The following AGBL4 variants were observed in gnomAD, a reference collection of about 807,000 sequenced individuals.
AGBL4 encodes the protein cytosolic carboxypeptidase 6.
AGBL4 carries 58 observed loss-of-function variants against 66.4 expected under a neutral mutation model. That is an observed-to-expected ratio of 0.87 (90% confidence interval 0.71 to 1.09). The LOEUF is 1.09. Among genes scored for constraint, AGBL4 ranks in the 50% least tolerant of loss-of-function variants. The pLI is 0.00. For synonymous variants in AGBL4, 234 were observed against 222.9 expected (o/e 1.05, Z -0.44); for missense variants, 579 against 631.0 (o/e 0.92, Z 0.88).
intron 3 of AGBL4, among the ~76,000 whole-genome samples, chr1:49,366,029 C>G (rs1466241329): frequency 6.6e-6 from 1 of 152,166 alleles, no homozygotes; most frequent in African/African-American, 2.4e-5. Flanking sequence ...GATTCAAGGT[C>G]CCCTTTGTTT....
At chr1:49,198,831 C>A (rs576730001) in intron 4 of AGBL4, among the ~76,000 whole-genome samples, 92 of 152,122 alleles carry the variant, frequency 6.0e-4, no homozygotes, top group Non-Finnish European at 1.0e-3. Context: ...AGCCTTCAGC[C>A]TTGCTTTTTG....
intron 3 of AGBL4, among the ~76,000 whole-genome samples, chr1:49,273,814 T>C (rs1644111142): frequency 6.6e-6 from 1 of 152,136 alleles, no homozygotes; most frequent in Admixed American, 6.5e-5. Context: ...TAGCTGGGAC[T>C]ACAGGCACGT....
At chr1:49,542,316 C>G (rs766457695) in intron 3 of AGBL4, among the ~76,000 whole-genome samples, 4 of 152,206 alleles carry the variant, frequency 2.6e-5, no homozygotes, top group Non-Finnish European at 5.9e-5. Context: ...CTGCTGCTCA[C>G]TTTTTGGGTC....
At position 48,586,998 on chromosome 1, in the gene AGBL4, G is replaced by A; in HGVS notation, c.1267+6C>T. ...TGGCCCAAGGCTGGGTGGGGACTAA[G>A]GATACAGGCTTCTTCAGTGTAGGGC... is the stretch of plus-strand genomic sequence containing the variant. On this transcript the variant is annotated splice_donor_region_variant and intron_variant, in intron 11 of 13. Transcript: ENST00000371839. 6.2e-7 allele frequency: 1 copy of A among 1,610,396 alleles called. No homozygotes were observed. The highest frequency in any genetic ancestry group is 8.5e-7 in the Non-Finnish European group (1 of 1,178,558).
At chr1:49,274,566 C>T (rs552299035) in intron 3 of AGBL4, among the ~76,000 whole-genome samples, 1 of 152,212 alleles carries the variant, frequency 6.6e-6, no homozygotes, top group South Asian at 2.1e-4. Flanking sequence ...TTTAAATCCA[C>T]AGACAAATTA....
chr1:50,020,972 A>G (rs867612499), intron 1 of AGBL4, among the ~76,000 whole-genome samples: 3 of 152,334 alleles, frequency 2.0e-5, no homozygotes, highest in Middle Eastern at 3.4e-3. Context: ...TTTAGTGGTA[A>G]AAGACAATAA....
intron 6 of AGBL4, among the ~76,000 whole-genome samples, chr1:48,677,037 C>A (rs1189455101): frequency 1.3e-5 from 2 of 152,164 alleles, no homozygotes; most frequent in Admixed American, 1.3e-4. Flanking sequence ...GCTAGGTGGT[C>A]TCTCAGTCCC....
intron 9 of AGBL4, among the ~76,000 whole-genome samples, chr1:48,628,607 T>C (rs1421195614): frequency 6.6e-6 from 1 of 152,122 alleles, no homozygotes; most frequent in Non-Finnish European, 1.5e-5. Flanking sequence ...GCACCTCACA[T>C]GCCCTCCTCA....
chr1:48,682,580 G>A (rs1407027128), intron 6 of AGBL4, among the ~76,000 whole-genome samples: 1 of 152,008 alleles, frequency 6.6e-6, no homozygotes, highest in Non-Finnish European at 1.5e-5. Flanking sequence ...TCCTTGTAGG[G>A]AGGGGCCTTG....
intron 6 of AGBL4, among the ~76,000 whole-genome samples, chr1:48,832,563 C>A (rs546887171): frequency 6.6e-6 from 1 of 152,214 alleles, no homozygotes; most frequent in Admixed American, 6.5e-5. Context: ...AAGAGGACCT[C>A]AAATTATTGC....
rs557163847 is a variant in AGBL4 at position 49,774,002 on chromosome 1, G to A, written c.158-76565C>T. On this transcript the variant is annotated intron_variant, in intron 2 of 13. Coordinates refer to ENST00000371839, the MANE Select transcript of AGBL4 (RefSeq NM_032785.4). ...AGTGAAATGACTGTGGCACGTAAGC[G>A]GTAGAATGGTTTAGTGGCTACTGGC... 4.6e-5 allele frequency among the ~76,000 whole-genome samples: 7 copies of A among 152,290 alleles called. No individual in the cohort carries two copies. The East Asian group carries it at 5.8e-4, about 13-fold the overall frequency.
At chr1:49,953,324 C>T (rs1274823609) in intron 1 of AGBL4, among the ~76,000 whole-genome samples, 3 of 151,886 alleles carry the variant, frequency 2.0e-5, no homozygotes, top group Non-Finnish European at 2.9e-5. Context: ...AGATCCCTGG[C>T]TCTTTCACTA....
intron 3 of AGBL4, among the ~76,000 whole-genome samples, chr1:49,553,292 T>C (rs140745262): frequency 6.6e-6 from 1 of 152,270 alleles, no homozygotes; most frequent in Non-Finnish European, 1.5e-5. Context: ...TACTCTCTAT[T>C]CCTATAATGA....
At chr1:49,143,362 TC>T (rs1051878404) in intron 4 of AGBL4, among the ~76,000 whole-genome samples, 3 of 152,078 alleles carry the variant, frequency 2.0e-5, no homozygotes, top group African/African-American at 7.2e-5. Flanking sequence ...GCTAGGAGGG[TC>T]TTCTTGATAC....
chr1:49,851,323 C>T (rs751129889), intron 2 of AGBL4, 73 bp downstream of exon 2: 13 of 1,434,436 alleles, frequency 9.1e-6, no homozygotes, highest in Non-Finnish European at 1.2e-5. Flanking sequence ...TGAATGGTCA[C>T]ATAAAATTCA....
Position 48,860,332 on chromosome 1 carries a change from T to G in AGBL4, c.634+6859A>C, listed in dbSNP as rs537428916. Reference sequence around the variant, plus strand: ...ATGTGAAAAAAGAAATGAAACTATATTGTTGGGCTCCATTGTGGGAGACAT... The same window carrying G: ...ATGTGAAAAAAGAAATGAAACTATAGTGTTGGGCTCCATTGTGGGAGACAT... On this transcript the variant is annotated intron_variant, in intron 6 of 13. Transcript: ENST00000371839. Among the ~76,000 whole-genome samples, 13 of 152,330 alleles carry G rather than the reference T, an allele frequency of 8.5e-5. No homozygotes were observed. The East Asian group carries it at 2.5e-3, about 29-fold the overall frequency.
chr1:49,656,607 A>G (rs546191238), intron 3 of AGBL4, among the ~76,000 whole-genome samples: 95 of 152,332 alleles, frequency 6.2e-4, no homozygotes, highest in African/African-American at 1.8e-3. Context: ...AAAATCCTCA[A>G]TAAAATACTG....
chr1:49,129,839 T>C (rs529918686), intron 4 of AGBL4, among the ~76,000 whole-genome samples: 6 of 152,280 alleles, frequency 3.9e-5, no homozygotes, highest in Admixed American at 1.3e-4. Flanking sequence ...AGTAATGGGA[T>C]GGCTGGGTCA....
intron 6 of AGBL4, among the ~76,000 whole-genome samples, chr1:48,765,613 C>T (rs758623572): frequency 2.4e-4 from 37 of 152,100 alleles, no homozygotes; most frequent in Non-Finnish European, 4.1e-4. Context: ...AACTCACACA[C>T]AAATGTTCAT....
Sources: gnomAD v4.1 joint callset for allele counts (sites outside exome capture counted in the v4.1 genomes callset) on GRCh38, gnomAD v4.1.1 for gene constraint, MANE v1.5 for transcripts, NCBI Gene and HGNC (gene_info 2026-07-23, HGNC 2026-07-21) for gene names.